CPN1: variants seen among roughly 807,000 people sequenced by gnomAD.
The protein encoded by CPN1 is carboxypeptidase N catalytic chain.
A neutral mutation model predicts 46.4 loss-of-function variants in CPN1; 37 were observed. The observed-to-expected ratio is 0.80, with a 90% CI of 0.61 to 1.05. The LOEUF is 1.05. Among genes scored for constraint, CPN1 ranks in the 50% least tolerant of loss-of-function variants. The pLI is 0.00. For missense variants in CPN1, 563 were observed against 602.6 expected, an observed-to-expected ratio of 0.93 and a Z score of 0.69; for synonymous variants, 224 against 235.4, an observed-to-expected ratio of 0.95 and a Z score of 0.44.
chr10:100,055,713 A>G (rs550912839), intron 6 of CPN1, among the ~76,000 whole-genome samples: 1 of 152,194 alleles, frequency 6.6e-6, no homozygotes, highest in African/African-American at 2.4e-5. Context: ...TAGTAAAGAC[A>G]GGGTTTCTCC....
chr10:100,052,977 C>A (rs2041364355), intron 7 of CPN1, among the ~76,000 whole-genome samples: 1 of 152,074 alleles, frequency 6.6e-6, no homozygotes. Flanking sequence ...AAGAATCTAG[C>A]AAGCCCTGAA....
At chr10:100,075,847 C>T in intron 2 of CPN1, 64 bp downstream of exon 2, 2 of 1,507,824 alleles carry the variant, frequency 1.3e-6, no homozygotes, top group Non-Finnish European at 1.8e-6. Flanking sequence ...GGAATCTTGT[C>T]CACTGGACTT....
At chr10:100,046,552 C>T (rs527748321) in intron 8 of CPN1, among the ~76,000 whole-genome samples, 7 of 152,218 alleles carry the variant, frequency 4.6e-5, no homozygotes, top group African/African-American at 1.4e-4. Flanking sequence ...GAGGGTGGAT[C>T]ACCTGAGGTC....
At chr10:100,072,088 T>C (rs1323108606) in intron 2 of CPN1, among the ~76,000 whole-genome samples, 1 of 152,216 alleles carries the variant, frequency 6.6e-6, no homozygotes, top group Non-Finnish European at 1.5e-5. Flanking sequence ...TTTGTGTGGA[T>C]GTATGTTTTC....
At chr10:100,063,272 C>T (rs1314124985) in intron 5 of CPN1, among the ~76,000 whole-genome samples, 1 of 152,114 alleles carries the variant, frequency 6.6e-6, no homozygotes, top group Non-Finnish European at 1.5e-5. Flanking sequence ...AGGCGCCCGC[C>T]ACCACACCCG....
intron 7 of CPN1, among the ~76,000 whole-genome samples, chr10:100,051,148 A>G (rs1480559914): frequency 6.6e-6 from 1 of 152,250 alleles, no homozygotes. Flanking sequence ...CCATCCCTTT[A>G]GACTCAATTA....
intron 8 of CPN1, among the ~76,000 whole-genome samples, chr10:100,047,783 C>T (rs1486600611): frequency 4.6e-5 from 7 of 151,630 alleles, no homozygotes; most frequent in Non-Finnish European, 7.4e-5. Context: ...GTCAGAAGTT[C>T]GAGACCAGCC....
rs2041445770 is a variant in CPN1, at chr10:100,065,116, T to G, written c.759+72A>C. The G allele has an allele frequency of 1.6e-5, 24 of 1,539,890 alleles. No homozygotes were observed. In the South Asian group the frequency reaches 2.5e-4, roughly 16 times the overall value. On this transcript the variant is annotated intron_variant, in intron 4 of 8. Coordinates refer to ENST00000370418, the MANE Select transcript of CPN1 (RefSeq NM_001308.3). The stretch of plus-strand genomic sequence containing the variant: ...TGTGGCCTCGCACTGAAAAGGGTTC[T>G]GTGTTACTGACCTTAAGCTCACCTC...
At chr10:100,068,214 T>A (rs1167274348) in intron 3 of CPN1, among the ~76,000 whole-genome samples, 1 of 113,204 alleles carries the variant, frequency 8.8e-6, no homozygotes, top group Non-Finnish European at 1.7e-5. Context: ...TTCCCTGAAC[T>A]TTTTTTTTTT....
chr10:100,062,014 T>C (rs560557288), intron 5 of CPN1, among the ~76,000 whole-genome samples: 1 of 152,208 alleles, frequency 6.6e-6, no homozygotes, highest in Admixed American at 6.5e-5. Flanking sequence ...CCGTGCCTTG[T>C]ATTCAAGCGA....
chr10:100,074,050 C>A (rs1266762314), intron 2 of CPN1, among the ~76,000 whole-genome samples: 1 of 151,878 alleles, frequency 6.6e-6, no homozygotes. Context: ...CCCCACAATA[C>A]TCCAGGTTAT....
chr10:100,075,069 C>T (rs182162137), intron 2 of CPN1, among the ~76,000 whole-genome samples: 89 of 152,220 alleles, frequency 5.8e-4, no homozygotes, highest in African/African-American at 2.1e-3. Flanking sequence ...GTGGGTGGAT[C>T]ACCTGAGGCC....
intron 1 of CPN1, 37 bp from the exon 2 acceptor site, chr10:100,076,144 T>C (rs1453496983): frequency 6.3e-7 from 1 of 1,597,300 alleles, no homozygotes; most frequent in Non-Finnish European, 8.6e-7. Context: ...AGCTTGGAAG[T>C]GTCATTGATG....
At chr10:100,060,910 A>G (rs2041412995) in intron 5 of CPN1, among the ~76,000 whole-genome samples, 1 of 152,208 alleles carries the variant, frequency 6.6e-6, no homozygotes, top group South Asian at 2.1e-4. Context: ...GCACATATAC[A>G]CAATGGAGTA....
chr10:100,062,763 T>A (rs1410606231), intron 5 of CPN1, among the ~76,000 whole-genome samples: 2 of 129,444 alleles, frequency 1.5e-5, no homozygotes, highest in African/African-American at 5.6e-5. Flanking sequence ...CCACCTAATT[T>A]TTCTTTTTTT....
intron 2 of CPN1, among the ~76,000 whole-genome samples, chr10:100,075,707 G>A (rs2041509496): frequency 6.6e-6 from 1 of 152,218 alleles, no homozygotes; most frequent in Admixed American, 6.5e-5. Flanking sequence ...GAGAGCCCAT[G>A]TTTATTGCCT....
intron 2 of CPN1, among the ~76,000 whole-genome samples, chr10:100,073,424 A>G (rs1039384029): frequency 2.6e-5 from 4 of 152,160 alleles, no homozygotes; most frequent in Admixed American, 6.5e-5. Flanking sequence ...AGGTTTCATA[A>G]ACAGGGCTAG....
intron 1 of CPN1, among the ~76,000 whole-genome samples, chr10:100,081,008 G>A (rs1039242351): frequency 3.9e-5 from 6 of 152,190 alleles, no homozygotes; most frequent in Non-Finnish European, 8.8e-5. Flanking sequence ...ACCCTTCTAA[G>A]TTTCCTGGCA....
rs553171656 is a variant in CPN1 at position 100,048,771 on chromosome 10, G to A, written c.1217C>T (p.Ala406Val). 6.3e-5 allele frequency: 101 copies of A among 1,612,004 alleles called. 1 individual carries two copies. The highest frequency in any genetic ancestry group is 2.7e-4 in the East Asian group (12 of 44,820). The change falls in exon 8 of 9, where the codon GCG becomes GTG. Residue 406 changes from alanine to valine, a missense_variant. Physicochemically the swap from Ala to Val is moderately conservative, Grantham distance 64. Coordinates refer to ENST00000370418, the MANE Select transcript of CPN1 (RefSeq NM_001308.3). Reference protein sequence around the residue: ...PETVTVTVGPAEPTLVNFHLK... With the variant: ...PETVTVTVGPVEPTLVNFHLK... ...AGCCTAACTCACCAACGTTGGTTCCGCAGGACCCACGGTCACAGTTACTGT... is the reference window on the plus strand; with the variant it reads ...AGCCTAACTCACCAACGTTGGTTCCACAGGACCCACGGTCACAGTTACTGT...
Sources: allele counts gnomAD v4.1 joint callset (sites outside exome capture counted in the v4.1 genomes callset), GRCh38; gene constraint gnomAD v4.1.1; transcripts MANE v1.5; gene names NCBI Gene and HGNC (gene_info 2026-07-23, HGNC 2026-07-21).